The following HK1 variants were observed in gnomAD, a reference collection of about 807,000 sequenced individuals.
HK1 encodes the protein hexokinase 1, also known as hexokinase-1.
HK1 carries 28 observed loss-of-function variants against 91.6 expected under a neutral mutation model. That is an observed-to-expected ratio of 0.31 (90% CI 0.23 to 0.42). The LOEUF is 0.42. Ranked by LOEUF, HK1 falls within the 10% of genes least tolerant of loss-of-function variation. HK1 has a pLI of 1.00. For synonymous variants in HK1, 430 were observed against 468.1 expected (o/e 0.92, Z 1.05); for missense variants, 770 against 1,219.8 (o/e 0.63, Z 5.49).
chr10:69,394,932 C>G lies in HK1; in HGVS notation c.2220-18C>G. ...GGCCACTTCCCATAGACACCCCAGG[C>G]CCCTCCTCCTGTCTCAGGTATGAGA... is the stretch of plus-strand genomic sequence containing the variant. On this transcript the variant is annotated intron_variant, in intron 15 of 17. Transcript: ENST00000359426. The G allele has an allele frequency of 6.2e-7, 1 of 1,613,846 alleles. No individual in the cohort carries two copies. Among genetic ancestry groups the G allele is most frequent in the Non-Finnish European group, 8.5e-7 (1 of 1,179,858 alleles).
chr10:69,378,954 C>T (rs1375567682), intron 8 of HK1, among the ~76,000 whole-genome samples: 2 of 152,136 alleles, frequency 1.3e-5, no homozygotes, highest in Non-Finnish European at 2.9e-5. Flanking sequence ...TCTTCCTAGA[C>T]CCCACAGAGT....
chr10:69,342,120 C>T (rs1453173965), intron 1 of HK1, among the ~76,000 whole-genome samples: 1 of 151,888 alleles, frequency 6.6e-6, no homozygotes, highest in East Asian at 1.9e-4. Context: ...TGCATTCCAG[C>T]CTGGGTGACA....
chr10:69,384,512 C>CTATGGTTT, intron 11 of HK1, 31 bp downstream of exon 11: 1 of 1,613,828 alleles, frequency 6.2e-7, no homozygotes. Context: ...TGCATGTGCA[C>CTATGGTTT]TGCACACACG....
At chr10:69,318,115 G>C, upstream of HK1, 1 of 985,456 alleles carries the variant, frequency 1.0e-6, no homozygotes, top group Non-Finnish European at 1.2e-6. Flanking sequence ...AGCCACCGGA[G>C]CTGGTGACTC....
chr10:69,376,522 A>C (rs1038602231), intron 7 of HK1, among the ~76,000 whole-genome samples: 8 of 152,148 alleles, frequency 5.3e-5, no homozygotes, highest in African/African-American at 1.7e-4. Context: ...TAAATAAGTA[A>C]ATACATACAT....
intron 1 of HK1, among the ~76,000 whole-genome samples, chr10:69,340,592 T>C (rs928245638): frequency 6.6e-6 from 1 of 152,172 alleles, no homozygotes; most frequent in Admixed American, 6.5e-5. Context: ...GCGATATCAC[T>C]ATGTTGCTCA....
Position 69,276,194 on chromosome 10 carries a change from CTTG to C in HK1, c.-391+6089_-391+6091del, listed in dbSNP as rs1040551351. Among the ~76,000 whole-genome samples, 189 of 129,094 alleles carry C rather than the reference CTTG, an allele frequency of 1.5e-3. 2 individuals are homozygous for C. Among genetic ancestry groups the C allele is most frequent in the African/African-American group, 5.2e-3 (180 of 34,860 alleles). 84.7% of individuals were successfully genotyped at this position (129,094 alleles called of 152,430 possible). ...AATTCTATATATTTATTAGATTAAA[CTTG>C]TTTTGTTGTTCAAATCTTTTATAAC... On this transcript the variant is annotated intron_variant, in intron 1 of 21. Transcript: ENST00000360289.
chr10:69,338,691 G>A (rs1192456491), intron 1 of HK1: 3 of 1,205,306 alleles, frequency 2.5e-6, no homozygotes, highest in Non-Finnish European at 2.1e-6. Flanking sequence ...GTGTGTGTGT[G>A]TGTGTGTGTG....
chr10:69,391,100 C>T (rs1462256690), intron 14 of HK1, among the ~76,000 whole-genome samples: 1 of 152,122 alleles, frequency 6.6e-6, no homozygotes, highest in Non-Finnish European at 1.5e-5. Flanking sequence ...ATTCCTGAGC[C>T]CCTGGCAAGC....
chr10:69,392,166 G>T lies in HK1; in HGVS notation c.2077G>T (p.Val693Leu). Residue 693 changes from valine to leucine, a missense_variant, in exon 15 of 18, where the codon GTG becomes TTG. This residue lies in a region of HK1 where 152 missense variants were observed against 211.1 expected (regional missense o/e 0.72). Coordinates refer to ENST00000359426, the MANE Select transcript of HK1 (RefSeq NM_000188.3). ...NACYMEEMKN[V>L]EMVEGDQGQM... is the part of the protein sequence containing the mutation. ...CTGCTACATGGAGGAGATGAAGAAC[G>T]TGGAGATGGTGGAGGGGGACCAGGG... The T allele has an allele frequency of 1.9e-6, 3 of 1,614,226 alleles. No individual in the cohort carries two copies. The highest frequency in any genetic ancestry group is 2.5e-6 in the Non-Finnish European group (3 of 1,180,044).
intron 7 of HK1, among the ~76,000 whole-genome samples, chr10:69,375,926 T>C (rs1397358151): frequency 2.6e-5 from 4 of 152,202 alleles, no homozygotes; most frequent in Non-Finnish European, 5.9e-5. Context: ...CATTGGTCGG[T>C]GCTTGACCGG....
chr10:69,327,408 T>A (rs1847447430), intron 1 of HK1, among the ~76,000 whole-genome samples: 1 of 152,250 alleles, frequency 6.6e-6, no homozygotes, highest in East Asian at 1.9e-4. Context: ...CGTAACTGTT[T>A]CATTAAACTG....
intron 8 of HK1, 50 bp downstream of exon 8, chr10:69,377,139 G>C (rs374633415): frequency 1.2e-6 from 2 of 1,606,664 alleles, no homozygotes; most frequent in Non-Finnish European, 1.7e-6. Context: ...GCAGAGAAGA[G>C]CAATTGGTCC....
chr10:69,301,042 A>G (rs1845840434), intron 5 of HK1, among the ~76,000 whole-genome samples: 1 of 151,964 alleles, frequency 6.6e-6, no homozygotes, highest in South Asian at 2.1e-4. Flanking sequence ...CAGGAGTTCA[A>G]GACCAGCCTT....
chr10:69,290,014 A>T (rs931014661), intron 3 of HK1, among the ~76,000 whole-genome samples: 1 of 152,118 alleles, frequency 6.6e-6, no homozygotes, highest in Non-Finnish European at 1.5e-5. Context: ...TTATGTTCTG[A>T]GTAGCGGGCT....
intron 1 of HK1, among the ~76,000 whole-genome samples, chr10:69,342,320 G>C (rs923443170): frequency 1.3e-5 from 2 of 152,184 alleles, no homozygotes; most frequent in Non-Finnish European, 2.9e-5. Context: ...AGGGTGACAC[G>C]CATGGAAAGC....
rs141299323 is a variant in HK1 at position 69,382,700 on chromosome 10, C to T, written c.1479C>T (p.Ala493=). ...TGGAGGTGAAGAAGAGGATGCGGGC[C>T]GAGATGGAGCTGGGGCTGAGGAAGC... The part of the protein sequence containing the change: ...MLLEVKKRMR[A]EMELGLRKQT... Residue 493 remains alanine (A), a synonymous_variant, in exon 10 of 18, where the codon GCC becomes GCT. Transcript: ENST00000359426. 86 of 1,613,430 alleles carry T rather than the reference C, an allele frequency of 5.3e-5. No homozygotes were observed. The highest frequency in any genetic ancestry group is 9.3e-5 in the African/African-American group (7 of 74,912).
chr10:69,373,430 CAGA>C (rs1265518406), intron 7 of HK1, among the ~76,000 whole-genome samples: 5 of 152,182 alleles, frequency 3.3e-5, no homozygotes, highest in African/African-American at 4.8e-5. Context: ...GCCCCAGAGC[CAGA>C]AGGTCTGTTT....
At chr10:69,389,322 C>T in intron 14 of HK1, 26 bp downstream of exon 14, 2 of 1,547,530 alleles carry the variant, frequency 1.3e-6, no homozygotes, top group African/African-American at 1.4e-5. Flanking sequence ...GGTCTCTTTC[C>T]CTGCAGAAGG....
Sources: gnomAD v4.1 joint callset for allele counts (sites outside exome capture counted in the v4.1 genomes callset) on GRCh38, gnomAD v4.1.1 for gene constraint, gnomAD v4.1.1 regional missense constraint, MANE v1.5 for transcripts, NCBI Gene and HGNC (gene_info 2026-07-23, HGNC 2026-07-21) for gene names.